The following RANBP2 variants were observed in gnomAD, a reference collection of about 807,000 sequenced individuals.
The protein encoded by RANBP2 is RAN binding protein 2, also known as E3 SUMO-protein ligase RanBP2.
A neutral mutation model predicts 303.6 loss-of-function variants in RANBP2; 57 were observed. The observed-to-expected ratio is 0.19, with a 90% CI of 0.15 to 0.23. The LOEUF is 0.23. Among genes scored for constraint, RANBP2 ranks in the 10% least tolerant of loss-of-function variants. The pLI is 1.00. For synonymous variants in RANBP2, 1,167 were observed against 1,301.5 expected, an observed-to-expected ratio of 0.90 and a Z score of 2.23; for missense variants, 3,138 against 3,780.8, an observed-to-expected ratio of 0.83 and a Z score of 4.46.
the RANBP2 span, among the ~76,000 whole-genome samples, chr2:109,222,952 C>T: frequency 1.3e-5 from 2 of 152,242 alleles, no homozygotes. Flanking sequence ...CCTGGGGCTA[C>T]GGTCCCCATA....
chr2:109,593,142 T>C, the RANBP2 span: 10 of 1,547,310 alleles, frequency 6.5e-6, no homozygotes, highest in Non-Finnish European at 7.0e-6. Flanking sequence ...TACAAAGGCT[T>C]AAAAGGAAAC....
chr2:108,895,022 C>T, the RANBP2 span: 1 of 152,730 alleles, frequency 6.5e-6, no homozygotes, highest in Non-Finnish European at 1.5e-5. Context: ...ACTCACTCAT[C>T]ATCATCACAA....
chr2:109,187,940 C>T, the RANBP2 span, among the ~76,000 whole-genome samples: 4 of 152,196 alleles, frequency 2.6e-5, no homozygotes, highest in Non-Finnish European at 4.4e-5. Flanking sequence ...AGGAACCCCT[C>T]AGAGCAGCCC....
At chr2:108,985,662 C>G in the RANBP2 span, among the ~76,000 whole-genome samples, 1 of 152,164 alleles carries the variant, frequency 6.6e-6, no homozygotes, top group Non-Finnish European at 1.5e-5. Context: ...TCCTGGGGTC[C>G]AAACAGTGTG....
chr2:108,829,152 C>T, the RANBP2 span, among the ~76,000 whole-genome samples: 74 of 152,134 alleles, frequency 4.9e-4, no homozygotes, highest in South Asian at 2.3e-3. Context: ...TGAACTTCAT[C>T]AAAATTAAAA....
At chr2:109,317,877 C>A in the RANBP2 span, among the ~76,000 whole-genome samples, 129 of 148,948 alleles carry the variant, frequency 8.7e-4, no homozygotes, top group African/African-American at 2.8e-3. Context: ...GGAGTCCCAG[C>A]CAAGAGGAAA....
chr2:109,361,177 A>G, the RANBP2 span, among the ~76,000 whole-genome samples: 1 of 152,182 alleles, frequency 6.6e-6, no homozygotes, highest in Non-Finnish European at 1.5e-5. Flanking sequence ...GATAAATTCC[A>G]CTTGGCTGTG....
At chr2:108,889,311 T>C in the RANBP2 span, among the ~76,000 whole-genome samples, 1 of 152,200 alleles carries the variant, frequency 6.6e-6, no homozygotes, top group South Asian at 2.1e-4. Flanking sequence ...TTAGGACCAA[T>C]TGCTCTAAAG....
chr2:109,278,265 C>T, the RANBP2 span, among the ~76,000 whole-genome samples: 87 of 152,330 alleles, frequency 5.7e-4, no homozygotes, highest in Non-Finnish European at 1.1e-3. Flanking sequence ...CCACGGTAGG[C>T]ACTTTATCGG....
chr2:109,688,831 C>T, the RANBP2 span, among the ~76,000 whole-genome samples: 18 of 148,394 alleles, frequency 1.2e-4, no homozygotes, highest in Non-Finnish European at 2.7e-4. Context: ...ATTGTTTCCT[C>T]TTCCTCAATG....
At chr2:109,082,241 A>G in the RANBP2 span, among the ~76,000 whole-genome samples, 1 of 152,202 alleles carries the variant, frequency 6.6e-6, no homozygotes, top group African/African-American at 2.4e-5. Context: ...CAAGGTTAGG[A>G]TTCCAGGACT....
the RANBP2 span, among the ~76,000 whole-genome samples, chr2:109,484,125 G>A: frequency 1.3e-5 from 2 of 149,386 alleles, no homozygotes; most frequent in African/African-American, 2.5e-5. Context: ...CTGGAGTGCA[G>A]TGGCGTGATC....
the RANBP2 span, among the ~76,000 whole-genome samples, chr2:109,273,378 T>A: frequency 6.6e-6 from 1 of 152,106 alleles, no homozygotes; most frequent in Non-Finnish European, 1.5e-5. Flanking sequence ...CCTTAACGCA[T>A]GGATGAGGGG....
chr2:109,672,328 T>C, the RANBP2 span, among the ~76,000 whole-genome samples: 2 of 152,226 alleles, frequency 1.3e-5, no homozygotes, highest in African/African-American at 4.8e-5. Flanking sequence ...GGGTGGGTAA[T>C]AAGTTCCACT....
the RANBP2 span, among the ~76,000 whole-genome samples, chr2:109,290,224 A>G: frequency 6.6e-6 from 1 of 152,232 alleles, no homozygotes; most frequent in African/African-American, 2.4e-5. Context: ...CTTCAGACAC[A>G]TCACATCATT....
At chr2:109,547,555 A>G in the RANBP2 span, among the ~76,000 whole-genome samples, 7 of 152,134 alleles carry the variant, frequency 4.6e-5, no homozygotes, top group African/African-American at 1.7e-4. Flanking sequence ...TGGGGCTGAA[A>G]ATCATCTTGA....
the RANBP2 span, among the ~76,000 whole-genome samples, chr2:109,184,390 C>G: frequency 6.6e-6 from 1 of 152,218 alleles, no homozygotes; most frequent in Non-Finnish European, 1.5e-5. Flanking sequence ...AGAAAGGCAG[C>G]TTTTCAGGTG....
chr2:109,066,343 G>A, the RANBP2 span, among the ~76,000 whole-genome samples: 13 of 152,190 alleles, frequency 8.5e-5, no homozygotes, highest in Admixed American at 3.9e-4. Context: ...TCCTGACCTC[G>A]TGATCTGCCC....
intron 1 of RANBP2, among the ~76,000 whole-genome samples, chr2:108,724,021 A>T (rs1251027548): frequency 6.6e-6 from 1 of 152,066 alleles, no homozygotes; most frequent in Non-Finnish European, 1.5e-5. Flanking sequence ...TCCCTTTATC[A>T]TCAGTTTGAG....
Sources: allele counts gnomAD v4.1 joint callset (sites outside exome capture counted in the v4.1 genomes callset), GRCh38; gene constraint gnomAD v4.1.1; transcripts MANE v1.5; gene names NCBI Gene and HGNC (gene_info 2026-07-23, HGNC 2026-07-21).